LRIF1: variants seen among roughly 807,000 people sequenced by gnomAD.
LRIF1 encodes ligand-dependent nuclear receptor-interacting factor 1.
A neutral mutation model predicts 52.7 loss-of-function variants in LRIF1; 32 were observed. The ratio of observed to expected loss-of-function variants is 0.61; its 90% confidence interval spans 0.46 to 0.82. The LOEUF (loss-of-function observed/expected upper bound fraction) is 0.82. LRIF1 is among the 40% of genes least tolerant of loss of function. LRIF1 has a pLI of 0.00. For missense variants in LRIF1, 887 were observed against 892.0 expected (o/e 0.99, Z 0.07); for synonymous variants, 323 against 317.4 (o/e 1.02, Z -0.19).
Position 110,947,794 on chromosome 1 carries a change from A to C in LRIF1, c.*165T>G. On this transcript the variant is annotated 3_prime_UTR_variant, in exon 4 of 4. Transcript: ENST00000369763. ...ACCCCATGTAAATTATTCACAAGTCATATGTGAATCAACCTTTTCTGTATT... is the reference window on the plus strand; with the variant it reads ...ACCCCATGTAAATTATTCACAAGTCCTATGTGAATCAACCTTTTCTGTATT... The C allele has an allele frequency of 1.1e-6, 1 of 880,738 alleles. No homozygotes were observed. The allele number at this position is 880,738 out of a possible 1,614,324, so 54.6% of individuals were successfully genotyped here.
In LRIF1 at chr1:110,952,744, G is replaced by A. The variant is rs936250528; in HGVS notation, c.140C>T (p.Pro47Leu). 2 of 1,613,558 alleles carry A rather than the reference G, an allele frequency of 1.2e-6. No homozygotes were observed. Among genetic ancestry groups the A allele is most frequent in the Admixed American group, 1.7e-5 (1 of 59,970 alleles). Residue 47 changes from proline (P) to leucine (L), a missense_variant, in exon 2 of 4, where the codon CCA becomes CTA. Physicochemically the swap from Pro to Leu is moderately conservative, Grantham distance 98. Transcript: ENST00000369763. ...AAGATTTCCAGAAGACTTAGGAATT[G>A]GAAGTAATTGCAGAAGATTTTTTCC... is the stretch of plus-strand genomic sequence containing the variant. ...SDGKNLLQLL[P>L]IPKSSGNLIP...
At chr1:110,928,739 G>A in the LRIF1 span, among the ~76,000 whole-genome samples, 4 of 152,118 alleles carry the variant, frequency 2.6e-5, no homozygotes, top group Non-Finnish European at 4.4e-5. Context: ...AAAAATCAAT[G>A]CAAAGACTGG....
downstream of LRIF1, among the ~76,000 whole-genome samples, chr1:110,946,224 C>T (rs1658200118): frequency 1.3e-5 from 2 of 152,200 alleles, no homozygotes; most frequent in Non-Finnish European, 2.9e-5. Flanking sequence ...AGTAAAAAAA[C>T]ACCAATCACA....
the LRIF1 span, among the ~76,000 whole-genome samples, chr1:110,898,719 T>C: frequency 6.6e-6 from 1 of 151,820 alleles, no homozygotes; most frequent in East Asian, 1.9e-4. Context: ...AAGTGTTGGG[T>C]ATATCATAGA....
At chr1:110,904,561 C>T in the LRIF1 span, among the ~76,000 whole-genome samples, 1 of 152,176 alleles carries the variant, frequency 6.6e-6, no homozygotes, top group Non-Finnish European at 1.5e-5. Flanking sequence ...TCTATGAGTC[C>T]ATAAGAACCA....
chr1:110,877,551 T>C, the LRIF1 span, among the ~76,000 whole-genome samples: 2 of 152,216 alleles, frequency 1.3e-5, no homozygotes, highest in African/African-American at 4.8e-5. Context: ...AGTATCTTGC[T>C]AAGCTCCCAC....
chr1:110,949,949 A>G lies in LRIF1; in HGVS notation c.1771T>C (p.Leu591=), dbSNP rs181635077. ...GAATCGAAACCTTCTCCAGAGGTCA[A>G]ATGGTCAGGAATTCGAGTAAGGCAC... is the stretch of plus-strand genomic sequence containing the variant. ...RVCLTRIPDH[L]TSGEGFDSFS... is the part of the protein sequence containing the mutation. Residue 591 remains leucine, a synonymous_variant, in exon 3 of 4, where the codon TTG becomes CTG. Transcript: ENST00000369763. 3.7e-6 allele frequency: 6 copies of G among 1,614,136 alleles called. No individual in the cohort carries two copies. The highest frequency in any genetic ancestry group is 2.2e-5 in the East Asian group (1 of 44,866).
At chr1:110,949,286 T>C (rs1363403939) in intron 3 of LRIF1, among the ~76,000 whole-genome samples, 1 of 151,814 alleles carries the variant, frequency 6.6e-6, no homozygotes, top group Non-Finnish European at 1.5e-5. Flanking sequence ...ACCCAGCTAA[T>C]TTTTTGTATT....
the LRIF1 span, among the ~76,000 whole-genome samples, chr1:110,900,129 AGT>A: frequency 2.0e-4 from 30 of 152,324 alleles, no homozygotes; most frequent in African/African-American, 7.2e-4. Flanking sequence ...TCTGGTTCAC[AGT>A]CTCTCATGTA....
chr1:110,897,370 G>A, the LRIF1 span, among the ~76,000 whole-genome samples: 1 of 152,202 alleles, frequency 6.6e-6, no homozygotes, highest in Non-Finnish European at 1.5e-5. Flanking sequence ...AGAAAGACTA[G>A]GACAACCACT....
At chr1:110,876,487 T>C in the LRIF1 span, among the ~76,000 whole-genome samples, 3 of 152,196 alleles carry the variant, frequency 2.0e-5, no homozygotes, top group Non-Finnish European at 4.4e-5. Context: ...CCAAACCTTT[T>C]TGTTTGGCCT....
chr1:110,952,693 A>G lies in LRIF1; in HGVS notation c.191T>C (p.Met64Thr). 6.2e-7 allele frequency: 1 copy of G among 1,614,138 alleles called. No homozygotes were observed. Among genetic ancestry groups the G allele is most frequent in the Non-Finnish European group, 8.5e-7 (1 of 1,179,996 alleles). ...TGTATTCCCTTTCAAAGCATCAGACATGACTGAAGATTGAACTAGTGGTAT... is the reference window on the plus strand; with the variant it reads ...TGTATTCCCTTTCAAAGCATCAGACGTGACTGAAGATTGAACTAGTGGTAT... ...NLIPLVQSSV[M>T]SDALKGNTGK... is the part of the protein sequence containing the mutation. Residue 64 changes from methionine (M) to threonine (T), a missense_variant, in exon 2 of 4, where the codon ATG (methionine) becomes ACG (threonine). Transcript: ENST00000369763.
At chr1:110,907,474 G>A in the LRIF1 span, among the ~76,000 whole-genome samples, 1 of 152,076 alleles carries the variant, frequency 6.6e-6, no homozygotes, top group African/African-American at 2.4e-5. Flanking sequence ...TTTGAGCCAG[G>A]CGCGGTGGCT....
At chr1:110,945,327 A>G (rs1658180029), downstream of LRIF1, among the ~76,000 whole-genome samples, 1 of 152,146 alleles carries the variant, frequency 6.6e-6, no homozygotes, top group Non-Finnish European at 1.5e-5. Flanking sequence ...ATGAAGTTCT[A>G]GTTTTTAATA....
chr1:110,882,819 A>T, the LRIF1 span, among the ~76,000 whole-genome samples: 5 of 152,010 alleles, frequency 3.3e-5, no homozygotes, highest in Non-Finnish European at 5.9e-5. Flanking sequence ...TTCATATATG[A>T]TGCTATTGTA....
chr1:110,886,871 T>A, the LRIF1 span, among the ~76,000 whole-genome samples: 3,547 of 75,732 alleles, frequency 0.047, 60 homozygotes, highest in Non-Finnish European at 0.078. Context: ...ATATATATAT[T>A]TTTTTTTTCT....
intron 1 of LRIF1, among the ~76,000 whole-genome samples, chr1:110,961,195 T>A (rs1306906097): frequency 3.3e-5 from 5 of 152,230 alleles, no homozygotes; most frequent in Non-Finnish European, 5.9e-5. Flanking sequence ...CTTCCTTTAC[T>A]ACATCAACTC....
the LRIF1 span, among the ~76,000 whole-genome samples, chr1:110,875,311 A>T: frequency 6.6e-6 from 1 of 152,184 alleles, no homozygotes; most frequent in Non-Finnish European, 1.5e-5. Flanking sequence ...GGAGGGCAAG[A>T]TCGCTCACCA....
At chr1:110,887,292 C>T in the LRIF1 span, among the ~76,000 whole-genome samples, 1 of 152,116 alleles carries the variant, frequency 6.6e-6, no homozygotes, top group African/African-American at 2.4e-5. Flanking sequence ...TCTCGATCTC[C>T]TGACCTTGTG....
Sources: gnomAD v4.1 joint callset for allele counts (sites outside exome capture counted in the v4.1 genomes callset) on GRCh38, gnomAD v4.1.1 for gene constraint, MANE v1.5 for transcripts, NCBI Gene and HGNC (gene_info 2026-07-23, HGNC 2026-07-21) for gene names.